Variants in ARHGAP22 observed in about 807,000 individuals in gnomAD.
The protein encoded by ARHGAP22 is Rho GTPase activating protein 22.
A neutral mutation model predicts 59.1 loss-of-function variants in ARHGAP22; 48 were observed. The ratio of observed to expected loss-of-function variants is 0.81; its 90% CI spans 0.64 to 1.03. The LOEUF is 1.03. Among genes scored for constraint, ARHGAP22 ranks in the 50% least tolerant of loss-of-function variants. The probability of loss-of-function intolerance (pLI) is 0.00; values close to 1 mark genes in which losing one functional copy is unlikely to be tolerated. For synonymous variants in ARHGAP22, 445 were observed against 416.4 expected (o/e 1.07, Z -0.84); for missense variants, 1,015 against 958.7 (o/e 1.06, Z -0.78).
chr10:48,654,554 G>A (rs982810574), upstream of ARHGAP22, among the ~76,000 whole-genome samples: 6 of 152,228 alleles, frequency 3.9e-5, no homozygotes, highest in Non-Finnish European at 7.3e-5. Flanking sequence ...TGGAAAAGAG[G>A]TGGTTGCTAG....
chr10:48,608,691 T>C (rs1459109078), upstream of ARHGAP22, among the ~76,000 whole-genome samples: 1 of 152,194 alleles, frequency 6.6e-6, no homozygotes, highest in Non-Finnish European at 1.5e-5. Context: ...CCCACCCTCA[T>C]ACTTTGGTTT....
At chr10:48,575,176 C>G (rs1347033336) in intron 2 of ARHGAP22, 8 of 152,204 alleles carry the variant, frequency 5.3e-5, no homozygotes, top group Admixed American at 1.3e-4. Context: ...TTCTAAGTTT[C>G]CTGAGGCATC....
At chr10:48,538,846 C>T (rs943140066) in intron 3 of ARHGAP22, among the ~76,000 whole-genome samples, 1 of 152,208 alleles carries the variant, frequency 6.6e-6, no homozygotes, top group African/African-American at 2.4e-5. Flanking sequence ...CTGGCATCTC[C>T]ACCTACCCAT....
chr10:48,551,250 T>C (rs1281744245), intron 3 of ARHGAP22, among the ~76,000 whole-genome samples: 1 of 152,206 alleles, frequency 6.6e-6, no homozygotes, highest in African/African-American at 2.4e-5. Context: ...CTCAGCTGAC[T>C]TCCTGCAGGT....
the ARHGAP22 span, among the ~76,000 whole-genome samples, chr10:48,433,563 T>C: frequency 2.6e-5 from 4 of 152,200 alleles, no homozygotes; most frequent in Admixed American, 2.6e-4. Context: ...CTCTCAGGCC[T>C]GAAATGCTCA....
intron 1 of ARHGAP22, among the ~76,000 whole-genome samples, chr10:48,640,985 A>T (rs1189955397): frequency 6.6e-6 from 1 of 152,212 alleles, no homozygotes; most frequent in East Asian, 1.9e-4. Context: ...GAAAATGGAT[A>T]AAATGAAGCT....
chr10:48,454,811 G>A (rs12355719), intron 6 of ARHGAP22, among the ~76,000 whole-genome samples, 191 bp downstream of exon 6: 25,620 of 151,270 alleles, frequency 0.17, 2,630 homozygotes, highest in South Asian at 0.28. Flanking sequence ...TCCCCGACCT[G>A]AGCAGGATGC....
chr10:48,487,629 G>A lies in ARHGAP22; in HGVS notation c.323-7865C>T, dbSNP rs866213735. On this transcript the variant is annotated intron_variant, in intron 3 of 9. Coordinates refer to ENST00000249601, the MANE Select transcript of ARHGAP22 (RefSeq NM_021226.4). ...AGAAACTGGAAAGCTCAAGAAAAAT[G>A]GACTCGCCCTCAGACCCTCCATAAC... Among the ~76,000 whole-genome samples the A allele has an allele frequency of 5.9e-4, 90 of 152,292 alleles. 1 individual carries two copies. The highest frequency in any genetic ancestry group is 3.4e-3 in the Middle Eastern group (1 of 294).
chr10:48,613,724 C>A (rs1175258387), intron 1 of ARHGAP22, among the ~76,000 whole-genome samples: 1 of 151,082 alleles, frequency 6.6e-6, no homozygotes, highest in Non-Finnish European at 1.5e-5. Context: ...ACTATGAGAA[C>A]CTCCAACATC....
intron 2 of ARHGAP22, 119 bp downstream of exon 2, chr10:48,582,833 CA>C: frequency 8.3e-7 from 1 of 1,204,256 alleles, no homozygotes. Context: ...GAAATCCTGG[CA>C]AAACATCACT....
intron 3 of ARHGAP22, among the ~76,000 whole-genome samples, chr10:48,545,226 C>T (rs529787839): frequency 6.6e-6 from 1 of 152,312 alleles, no homozygotes; most frequent in East Asian, 1.9e-4. Flanking sequence ...AGAAAATTTA[C>T]AACCACAAAC....
chr10:48,591,886 A>AAAC (rs760945416), intron 1 of ARHGAP22, among the ~76,000 whole-genome samples: 14 of 152,050 alleles, frequency 9.2e-5, no homozygotes, highest in Middle Eastern at 3.4e-3. Flanking sequence ...AAAAACCCCA[A>AAAC]AACAACAACA....
chr10:48,617,944 C>G (rs2061145642), intron 1 of ARHGAP22, among the ~76,000 whole-genome samples: 1 of 151,554 alleles, frequency 6.6e-6, no homozygotes, highest in South Asian at 2.1e-4. Flanking sequence ...TTAGCTAGAC[C>G]AAGTATGAGA....
chr10:48,632,856 G>A (rs1029265252), intron 1 of ARHGAP22, among the ~76,000 whole-genome samples: 3 of 152,234 alleles, frequency 2.0e-5, no homozygotes, highest in Non-Finnish European at 4.4e-5. Flanking sequence ...TTGTAAGGAT[G>A]AGAGTGAAAA....
chr10:48,652,353 G>A, exon 1 of ARHGAP22: 2 of 1,339,714 alleles, frequency 1.5e-6, no homozygotes, highest in Non-Finnish European at 2.1e-6. Flanking sequence ...ACATCCTCAA[G>A]CAGACAAGCT....
At chr10:48,546,663 C>T (rs773567944) in intron 3 of ARHGAP22, 5 of 170,556 alleles carry the variant, frequency 2.9e-5, no homozygotes, top group Non-Finnish European at 5.2e-5. Flanking sequence ...CCATTGTTTG[C>T]TGAATGCTTT....
At chr10:48,585,291 C>A (rs765699510) in intron 1 of ARHGAP22, among the ~76,000 whole-genome samples, 1 of 150,946 alleles carries the variant, frequency 6.6e-6, no homozygotes, top group African/African-American at 2.5e-5. Flanking sequence ...ACATCCTCAC[C>A]ACCTGTTTTT....
chr10:48,553,678 C>A (rs2057081896), intron 3 of ARHGAP22, among the ~76,000 whole-genome samples: 1 of 152,172 alleles, frequency 6.6e-6, no homozygotes, highest in Admixed American at 6.5e-5. Context: ...ATTTCTGGAA[C>A]CTTGTGACTA....
intron 1 of ARHGAP22, 81 bp downstream of exon 1, chr10:48,604,682 G>C: frequency 6.2e-7 from 1 of 1,607,332 alleles, no homozygotes; most frequent in Non-Finnish European, 8.5e-7. Flanking sequence ...GACACATGGC[G>C]TGACGGCTGG....
Sources: gnomAD v4.1 joint callset for allele counts (sites outside exome capture counted in the v4.1 genomes callset) on GRCh38, gnomAD v4.1.1 for gene constraint, MANE v1.5 for transcripts, NCBI Gene and HGNC (gene_info 2026-07-23, HGNC 2026-07-21) for gene names.